Variants in SNAP91 observed in about 807,000 individuals in gnomAD.
The protein encoded by SNAP91 is clathrin coat assembly protein AP180.
Under a neutral mutation model 100.3 loss-of-function variants are expected in SNAP91, and 27 were observed. That is an observed-to-expected ratio of 0.27 (90% CI 0.20 to 0.37). The LOEUF (loss-of-function observed/expected upper bound fraction) is 0.37. Ranked by LOEUF, SNAP91 falls within the 10% of genes least tolerant of loss-of-function variation. The pLI, the probability that SNAP91 is intolerant of heterozygous loss-of-function variation, is 1.00. For missense variants in SNAP91, 986 were observed against 1,123.7 expected (o/e 0.88, Z 1.75); for synonymous variants, 404 against 398.6 (o/e 1.01, Z -0.16).
intron 5 of SNAP91, 72 bp downstream of exon 5, chr6:83,661,430 T>C (rs1276323227): frequency 1.2e-6 from 1 of 867,240 alleles, no homozygotes; most frequent in Non-Finnish European, 1.8e-6. Flanking sequence ...CATTTAAGCT[T>C]AGTTAAAATA....
intron 8 of SNAP91, among the ~76,000 whole-genome samples, chr6:83,636,023 T>C (rs1018808493): frequency 6.6e-6 from 1 of 152,234 alleles, no homozygotes; most frequent in Admixed American, 6.5e-5. Context: ...GTAAAGTTTC[T>C]TTTGAGAAGT....
At chr6:83,663,626 G>T (rs1430866707) in intron 3 of SNAP91, among the ~76,000 whole-genome samples, 1 of 152,070 alleles carries the variant, frequency 6.6e-6, no homozygotes, top group African/African-American at 2.4e-5. Flanking sequence ...AAAGTTTGAT[G>T]CTAGCAGAGG....
chr6:83,675,829 C>CACACACACACAT (rs1301134373), intron 2 of SNAP91, among the ~76,000 whole-genome samples: 1 of 147,918 alleles, frequency 6.8e-6, no homozygotes, highest in African/African-American at 2.5e-5. Context: ...CTTGAAGGAA[C>CACACACACACAT]ACACACACAC....
At chr6:83,682,407 A>G (rs1298727537) in intron 2 of SNAP91, among the ~76,000 whole-genome samples, 1 of 151,680 alleles carries the variant, frequency 6.6e-6, no homozygotes, top group Non-Finnish European at 1.5e-5. Context: ...GAGTTTCGCC[A>G]TGTTGCCCAA....
chr6:83,591,574 T>C lies in SNAP91; in HGVS notation c.1931-280A>G, dbSNP rs200471899. 1.3e-4 allele frequency among the ~76,000 whole-genome samples: 20 copies of C among 152,348 alleles called. No homozygotes were observed. The East Asian group carries it at 2.9e-3, about 22-fold the overall frequency. On this transcript the variant is annotated intron_variant, in intron 21 of 29. Coordinates refer to ENST00000369694, the MANE Select transcript of SNAP91 (RefSeq NM_001242792.2). ...AATTTTTGGACTAAACCTTGTCATC[T>C]GTCAAAACAGAAGCAAGGTTTTAAA...
chr6:83,709,326 C>T (rs911800377), upstream of SNAP91: 1 of 152,382 alleles, frequency 6.6e-6, no homozygotes, highest in Non-Finnish European at 1.5e-5. Context: ...CGACACCCAC[C>T]CAGCCAGCGG....
chr6:83,575,064 C>A lies in SNAP91; in HGVS notation c.2388G>T (p.Gln796His). 3 of 1,606,300 alleles carry A rather than the reference C, an allele frequency of 1.9e-6. No individual in the cohort carries two copies. Among genetic ancestry groups the A allele is most frequent in the Non-Finnish European group, 2.6e-6 (3 of 1,176,224 alleles). Residue 796 changes from glutamine (Q) to histidine (H), a missense_variant, in exon 26 of 30, where the codon CAG becomes CAT. Physicochemically the swap from Gln to His is conservative, Grantham distance 24 (BLOSUM62 0). This residue lies in a region of SNAP91 where 575 missense variants were observed against 579.9 expected (regional missense o/e 0.99). Coordinates refer to ENST00000369694, the MANE Select transcript of SNAP91 (RefSeq NM_001242792.2). ...ACCAGGTTGCTGGAGCTACTTTAGG[C>A]TGCCAGTTGGCTCCACCAGTCAACT... Reference protein sequence around the residue: ...EKKLTGGANWQPKVAPATWSA... With the variant: ...EKKLTGGANWHPKVAPATWSA...
At chr6:83,648,788 A>G (rs994455829) in intron 7 of SNAP91, among the ~76,000 whole-genome samples, 9 of 152,160 alleles carry the variant, frequency 5.9e-5, no homozygotes, top group Admixed American at 3.9e-4. Context: ...AATCTTTTGT[A>G]CATTATAAAA....
At chr6:83,574,136 A>G (rs1813731677) in intron 26 of SNAP91, among the ~76,000 whole-genome samples, 1 of 152,202 alleles carries the variant, frequency 6.6e-6, no homozygotes, top group Admixed American at 6.5e-5. Context: ...GGAAAGGATA[A>G]CATCAAGAAA....
intron 14 of SNAP91, 69 bp downstream of exon 14, chr6:83,605,616 T>C (rs1028876485): frequency 5.8e-6 from 9 of 1,539,740 alleles, no homozygotes; most frequent in Non-Finnish European, 8.8e-7. Flanking sequence ...ATGTTAACAA[T>C]TATAGCCTAA....
At chr6:83,567,199 G>A (rs1055579491) in intron 26 of SNAP91, among the ~76,000 whole-genome samples, 2 of 152,206 alleles carry the variant, frequency 1.3e-5, no homozygotes, top group African/African-American at 4.8e-5. Flanking sequence ...CAGTTTCTGG[G>A]AGTATATGGG....
At chr6:83,562,402 A>G (rs986344676) in intron 26 of SNAP91, among the ~76,000 whole-genome samples, 3 of 152,228 alleles carry the variant, frequency 2.0e-5, no homozygotes, top group African/African-American at 7.2e-5. Flanking sequence ...GCAATACACC[A>G]TATTAATAGA....
chr6:83,631,005 C>A (rs571267192), intron 8 of SNAP91, among the ~76,000 whole-genome samples: 8 of 152,144 alleles, frequency 5.3e-5, no homozygotes, highest in African/African-American at 1.9e-4. Flanking sequence ...TTACCACTGC[C>A]TTTACTGTGT....
At chr6:83,658,782 T>C (rs1394718796) in intron 6 of SNAP91, among the ~76,000 whole-genome samples, 1 of 152,202 alleles carries the variant, frequency 6.6e-6, no homozygotes, top group East Asian at 1.9e-4. Flanking sequence ...GTACCATTCA[T>C]ATTTTTCCAT....
chr6:83,661,874 A>T (rs1363828161), intron 4 of SNAP91, among the ~76,000 whole-genome samples: 3 of 152,186 alleles, frequency 2.0e-5, no homozygotes, highest in African/African-American at 7.2e-5. Flanking sequence ...TTTTCAAATA[A>T]TGGCCAGTTT....
At chr6:83,681,110 A>G (rs1227438984) in intron 2 of SNAP91, among the ~76,000 whole-genome samples, 1 of 152,194 alleles carries the variant, frequency 6.6e-6, no homozygotes, top group Non-Finnish European at 1.5e-5. Context: ...GTTATGATTC[A>G]AAAGTATATC....
At chr6:83,656,929 C>T (rs993861379) in intron 6 of SNAP91, 64 bp from the exon 7 acceptor site, 2 of 687,486 alleles carry the variant, frequency 2.9e-6, no homozygotes, top group Middle Eastern at 3.6e-4. Flanking sequence ...TCTTGAATCA[C>T]ATTAAAATGT....
intron 29 of SNAP91, among the ~76,000 whole-genome samples, chr6:83,554,784 C>T (rs1368300203): frequency 6.6e-6 from 1 of 152,286 alleles, no homozygotes; most frequent in African/African-American, 2.4e-5. Flanking sequence ...TTTCCTCAGC[C>T]ACTTCCCACT....
chr6:83,670,244 CTTT>C (rs34522653), intron 2 of SNAP91, among the ~76,000 whole-genome samples: 77 of 140,734 alleles, frequency 5.5e-4, no homozygotes, highest in Non-Finnish European at 7.7e-4. Context: ...TGATATGGTC[CTTT>C]TTTTTTTTTT....
Sources: allele counts gnomAD v4.1 joint callset (sites outside exome capture counted in the v4.1 genomes callset), GRCh38; gene constraint gnomAD v4.1.1; regional missense constraint gnomAD v4.1.1; transcripts MANE v1.5; gene names NCBI Gene and HGNC (gene_info 2026-07-23, HGNC 2026-07-21).